The following PLCXD1 variants were observed in gnomAD, a reference collection of about 807,000 sequenced individuals.
PLCXD1 encodes PI-PLC X domain-containing protein 1.
In PLCXD1, 45 loss-of-function variants were observed where a neutral mutation model predicts 37.8. That is an observed-to-expected ratio of 1.19 (90% confidence interval 0.94 to 1.53). The LOEUF (loss-of-function observed/expected upper bound fraction) is 1.53, where lower values mean the gene tolerates loss of function less well. Among genes scored for constraint, PLCXD1 ranks in the 40% most tolerant of loss-of-function variants. The pLI, the probability that PLCXD1 is intolerant of heterozygous loss-of-function variation, is 0.00. For missense variants in PLCXD1, 539 were observed against 454.7 expected (o/e 1.19, Z -1.69); for synonymous variants, 246 against 206.9 (o/e 1.19, Z -1.62).
At chrX:283,823 T>G in intron 1 of PLCXD1, 1 of 195,402 alleles carries the variant, frequency 5.1e-6, no homozygotes, top group Admixed American at 5.4e-5. Context: ...ACAAGAAACA[T>G]TTTTTGGAGC....
chrX:287,520 G>A (rs1299294040), intron 2 of PLCXD1, among the ~76,000 whole-genome samples: 1 of 106,764 alleles, frequency 9.4e-6, no homozygotes. Flanking sequence ...TTTATATATA[G>A]ATATAGATAC....
At chrX:291,885 C>A (rs1394437188) in intron 5 of PLCXD1, among the ~76,000 whole-genome samples, 1 of 152,126 alleles carries the variant, frequency 6.6e-6, no homozygotes, top group Non-Finnish European at 1.5e-5. Flanking sequence ...TGTGCAGCGT[C>A]AGCCGGGCGC....
At chrX:284,867 T>TAG (rs2069396319) in intron 2 of PLCXD1, among the ~76,000 whole-genome samples, 1 of 152,192 alleles carries the variant, frequency 6.6e-6, no homozygotes, top group African/African-American at 2.4e-5. Flanking sequence ...CAACAGAGCG[T>TAG]GTGCTGGAGA....
intron 5 of PLCXD1, among the ~76,000 whole-genome samples, chrX:292,414 G>A (rs931007671): frequency 3.7e-4 from 56 of 152,032 alleles, no homozygotes; most frequent in East Asian, 1.2e-3. Flanking sequence ...AGCCGAGATC[G>A]CGCCACTGCA....
chrX:299,053 G>A (rs1194051695), intron 6 of PLCXD1, 44 bp from the exon 7 acceptor site: 3 of 1,416,602 alleles, frequency 2.1e-6, no homozygotes, highest in East Asian at 4.5e-5. Flanking sequence ...ACAGGCGGGT[G>A]AGGCCCGTGA....
Position 299,982 on chromosome X carries a change from G to C in PLCXD1, c.*647G>C, listed in dbSNP as rs1294856788. On this transcript the variant is annotated 3_prime_UTR_variant, in exon 7 of 7. Coordinates refer to ENST00000381657, the MANE Select transcript of PLCXD1 (RefSeq NM_018390.4). ...GCAGGAGAATGGCGTGAACCCGGGA[G>C]GTGGAGGTTGCATTGAGCTGAGATC... 2 of 151,834 alleles carry C rather than the reference G, an allele frequency of 1.3e-5. No individual in the cohort carries two copies. Among genetic ancestry groups the C allele is most frequent in the African/African-American group, 4.9e-5 (2 of 40,808 alleles). 9.4% of individuals were successfully genotyped at this position (151,834 alleles called of 1,614,324 possible).
rs185926631 is a variant in PLCXD1 at position 298,867 on chromosome X, T to C, written c.734-230T>C. Among the ~76,000 whole-genome samples, 1,354 of 151,340 alleles carry C rather than the reference T, an allele frequency of 8.9e-3. 4 individuals carry two copies. Among genetic ancestry groups the C allele is most frequent in the East Asian group, 0.03 (152 of 5,080 alleles). On this transcript the variant is annotated intron_variant, in intron 6 of 6. Coordinates refer to ENST00000381657, the MANE Select transcript of PLCXD1 (RefSeq NM_018390.4). The stretch of plus-strand genomic sequence containing the variant: ...TCACATGGGGATTAGGATGTGGACA[T>C]CTTTGGGGACATTATTCTGTCTCCC...
rs200060158 is a variant in PLCXD1, at chrX:299,364, C to T, written c.*29C>T. The T allele has an allele frequency of 1.3e-5, 20 of 1,509,810 alleles. No individual in the cohort carries two copies. The highest frequency in any genetic ancestry group is 1.1e-4 in the East Asian group (5 of 44,146). The allele number at this position is 1,509,810 out of a possible 1,614,324, so 93.5% of individuals were successfully genotyped here. Reference sequence around the variant, plus strand: ...GACCCTTCTGAAGTTCGGGACGCGGCGGCTGCAGTTTCACCCCCGAATTTC... The same window carrying T: ...GACCCTTCTGAAGTTCGGGACGCGGTGGCTGCAGTTTCACCCCCGAATTTC... On this transcript the variant is annotated 3_prime_UTR_variant, in exon 7 of 7. Transcript: ENST00000381657.
At chrX:298,900 G>GT (rs1312266950) in intron 6 of PLCXD1, among the ~76,000 whole-genome samples, 197 bp from the exon 7 acceptor site, 2 of 152,096 alleles carry the variant, frequency 1.3e-5, no homozygotes, top group African/African-American at 2.4e-5. Flanking sequence ...CCCACACGGT[G>GT]TTACGACGTG....
rs1209862255 is a variant in PLCXD1 at position 300,458 on chromosome X, GTATATGTGTGTGTGTGTGTGTA to G, written c.*1127_*1148del. ...TATATGTATGTATGTTTATACATGT[GTATATGTGTGTGTGTGTGTGTA>G]TATGTGTGTATGTGTGTATATATGT... On this transcript the variant is annotated 3_prime_UTR_variant, in exon 7 of 7. Coordinates refer to ENST00000381657, the MANE Select transcript of PLCXD1 (RefSeq NM_018390.4). 1 of 143,528 alleles carries G rather than the reference GTATATGTGTGTGTGTGTGTGTA, an allele frequency of 7.0e-6. No individual in the cohort carries two copies. The highest frequency in any genetic ancestry group is 1.5e-5 in the Non-Finnish European group (1 of 66,026). The allele number at this position is 143,528 out of a possible 1,614,324, so 8.9% of individuals were successfully genotyped here.
rs1206757105 is a variant in PLCXD1 at position 299,329 on chromosome X, G to T, written c.966G>T (p.Trp322Cys). 1.2e-6 allele frequency: 2 copies of T among 1,610,038 alleles called. No individual in the cohort carries two copies. The highest frequency in any genetic ancestry group is 1.7e-6 in the Non-Finnish European group (2 of 1,176,292). Reference sequence around the variant, plus strand: ...TCGCGCTCAATCAGAAGCTGCTGTGGTGCTGACGGGACCCTTCTGAAGTTC... The same window carrying T: ...TCGCGCTCAATCAGAAGCTGCTGTGTTGCTGACGGGACCCTTCTGAAGTTC... ...DVIALNQKLL[W>C]C Residue 322 changes from tryptophan (W) to cysteine (C), a missense_variant, in exon 7 of 7, where the codon TGG (tryptophan) becomes TGT (cysteine). Trp to Cys is a radical substitution (Grantham distance 215, BLOSUM62 -2). Transcript: ENST00000381657.
At chrX:286,828 T>G (rs1342452134) in intron 2 of PLCXD1, among the ~76,000 whole-genome samples, 4 of 152,140 alleles carry the variant, frequency 2.6e-5, no homozygotes, top group Non-Finnish European at 4.4e-5. Flanking sequence ...TCCAACCTTT[T>G]GCTTTCTCCT....
chrX:292,136 C>G (rs1452623249), intron 5 of PLCXD1, among the ~76,000 whole-genome samples: 3 of 151,210 alleles, frequency 2.0e-5, no homozygotes, highest in African/African-American at 7.3e-5. Context: ...CCCGTCTCTA[C>G]TAAAAATACC....
chrX:276,818 T>C (rs2069166120), upstream of PLCXD1, among the ~76,000 whole-genome samples: 2 of 152,064 alleles, frequency 1.3e-5, no homozygotes, highest in South Asian at 2.1e-4. Context: ...AATGCTGGGA[T>C]CTGAGCACCC....
chrX:299,660 G>C lies in PLCXD1; in HGVS notation c.*325G>C. 2 of 458,510 alleles carry C rather than the reference G, an allele frequency of 4.4e-6. No individual in the cohort carries two copies. Among genetic ancestry groups the C allele is most frequent in the Admixed American group, 3.8e-5 (1 of 26,360 alleles). 28.4% of individuals were successfully genotyped at this position (458,510 alleles called of 1,614,324 possible). ...TAGTCCCAGTTACTCGGGAGGCTCA[G>C]GCAGGAGAACTGCTTGAAGCCGGGA... On this transcript the variant is annotated 3_prime_UTR_variant, in exon 7 of 7. Coordinates refer to ENST00000381657, the MANE Select transcript of PLCXD1 (RefSeq NM_018390.4).
intron 2 of PLCXD1, among the ~76,000 whole-genome samples, chrX:285,218 G>A (rs2069409652): frequency 6.6e-6 from 1 of 151,646 alleles, no homozygotes; most frequent in African/African-American, 2.4e-5. Flanking sequence ...ACACATGCAG[G>A]CACATGTATA....
In PLCXD1 at chrX:281,452, G is replaced by C. The variant is rs2124299213; in HGVS notation, c.-254G>C. On this transcript the variant is annotated 5_prime_UTR_variant, in exon 1 of 7. Coordinates refer to ENST00000381657, the MANE Select transcript of PLCXD1 (RefSeq NM_018390.4). The stretch of plus-strand genomic sequence containing the variant: ...TTAGGGTCTGGGAGGAAGGCTTTTG[G>C]GAAGATGTAAATAAGAACAAAATCT... The C allele has an allele frequency of 6.6e-6, 1 of 152,480 alleles. No individual in the cohort carries two copies. Among genetic ancestry groups the C allele is most frequent in the African/African-American group, 2.4e-5 (1 of 41,314 alleles). The allele number at this position is 152,480 out of a possible 1,614,324, so 9.4% of individuals were successfully genotyped here. A position where few individuals can be genotyped will look rare whatever the true frequency, so the allele number is the denominator to read the frequency against.
upstream of PLCXD1, among the ~76,000 whole-genome samples, chrX:279,036 G>A (rs1321703048): frequency 2.6e-5 from 4 of 152,162 alleles, no homozygotes; most frequent in African/African-American, 9.7e-5. Flanking sequence ...GGGAGGGGTG[G>A]CTCAATAGGA....
chrX:279,792 GAA>G (rs1472168858), upstream of PLCXD1, among the ~76,000 whole-genome samples: 2 of 150,964 alleles, frequency 1.3e-5, no homozygotes, highest in Admixed American at 6.6e-5. Flanking sequence ...AAAAAAAGAA[GAA>G]AAAAAGAGTT....
Sources: gnomAD v4.1 joint callset for allele counts (sites outside exome capture counted in the v4.1 genomes callset) on GRCh38, gnomAD v4.1.1 for gene constraint, MANE v1.5 for transcripts, NCBI Gene and HGNC (gene_info 2026-07-23, HGNC 2026-07-21) for gene names.